EFTUD2: variants seen among roughly 807,000 people sequenced by gnomAD.
EFTUD2 encodes elongation factor Tu GTP binding domain containing 2, also known as 116 kDa U5 small nuclear ribonucleoprotein component.
In EFTUD2, 9 loss-of-function variants were observed where a neutral mutation model predicts 114.3. The observed-to-expected ratio is 0.08, with a 90% CI of 0.05 to 0.14. The LOEUF (loss-of-function observed/expected upper bound fraction) is 0.14, where lower values mean the gene tolerates loss of function less well. EFTUD2 is among the 10% of genes least tolerant of loss of function. EFTUD2 has a pLI of 1.00. For missense variants in EFTUD2, 765 were observed against 1,241.2 expected (o/e 0.62, Z 5.76); for synonymous variants, 449 against 462.3 (o/e 0.97, Z 0.37).
In EFTUD2 at chr17:44,863,728, G is replaced by A; in HGVS notation, c.1340C>T (p.Pro447Leu). 1 of 1,614,174 alleles carries A rather than the reference G, an allele frequency of 6.2e-7. No homozygotes were observed. The highest frequency in any genetic ancestry group is 1.1e-5 in the South Asian group (1 of 91,088). The change falls in exon 15 of 28, where the codon CCC becomes CTC. Residue 447 changes from proline (P) to leucine (L), a missense_variant. Physicochemically the swap from Pro to Leu is moderately conservative, Grantham distance 98. This residue lies in a region of EFTUD2 where 59 missense variants were observed against 50.1 expected (regional missense o/e 1.18). Coordinates refer to ENST00000426333, the MANE Select transcript of EFTUD2 (RefSeq NM_004247.4). ...HIPSPKVGAK[P>L]KIEHTYTGGV... Reference sequence around the variant, plus strand: ...ACCGGTGTAGGTGTGCTCAATCTTGGGCTTGGCGCCCACCTTTGGAGAAGG... The same window carrying A: ...ACCGGTGTAGGTGTGCTCAATCTTGAGCTTGGCGCCCACCTTTGGAGAAGG...
At chr17:44,868,046 G>C in intron 12 of EFTUD2, 149 bp from the exon 13 acceptor site, 1 of 902,780 alleles carries the variant, frequency 1.1e-6, no homozygotes, top group Non-Finnish European at 1.7e-6. Context: ...ATTCCTGGAA[G>C]GATACATGGT....
chr17:44,891,565 G>A (rs1233026675), intron 2 of EFTUD2, among the ~76,000 whole-genome samples: 1 of 152,120 alleles, frequency 6.6e-6, no homozygotes, highest in Non-Finnish European at 1.5e-5. Context: ...GCCCAAGCTG[G>A]TCTCAAACTC....
intron 20 of EFTUD2, among the ~76,000 whole-genome samples, chr17:44,855,283 C>A (rs1252435022): frequency 6.6e-6 from 1 of 152,170 alleles, no homozygotes; most frequent in African/African-American, 2.4e-5. Context: ...AAACAAACAG[C>A]CAGGCGCGGT....
At chr17:44,889,286 G>A (rs2051236091) in intron 2 of EFTUD2, among the ~76,000 whole-genome samples, 2 of 152,154 alleles carry the variant, frequency 1.3e-5, no homozygotes, top group African/African-American at 4.8e-5. Context: ...GGATGGAAGT[G>A]GGTTTGAAGG....
At chr17:44,895,936 G>A (rs1362026473) in intron 1 of EFTUD2, 1 of 152,176 alleles carries the variant, frequency 6.6e-6, no homozygotes, top group Admixed American at 6.5e-5. Context: ...TCCTTCCAAG[G>A]ACTGTCATGA....
intron 11 of EFTUD2, among the ~76,000 whole-genome samples, chr17:44,868,633 T>C (rs1027286259): frequency 3.3e-5 from 5 of 152,206 alleles, no homozygotes; most frequent in Non-Finnish European, 2.9e-5. Context: ...ATGGGTTACA[T>C]GTTTTCCTTC....
chr17:44,854,596 G>C lies in EFTUD2; in HGVS notation c.2219C>G (p.Thr740Ser). Residue 740 changes from threonine (T) to serine (S), a missense_variant, in exon 22 of 28, where the codon ACT (threonine) becomes AGT (serine). By Grantham distance (58) the Thr-to-Ser change is moderately conservative (BLOSUM62 1). This residue lies in a region of EFTUD2 where 166 missense variants were observed against 401.5 expected (regional missense o/e 0.41). Transcript: ENST00000426333. The surrounding 1 kb of genome is among the most constrained non-coding windows in gnomAD (Gnocchi z 4.3). ...ATCATCCACCAGAATGTTGGGGCCA[G>C]TCGCATCAGGGCCAAAAGCCCAGAT... Reference protein sequence around the residue: ...RSIWAFGPDATGPNILVDDTL... With the variant: ...RSIWAFGPDASGPNILVDDTL... 4.3e-6 allele frequency: 7 copies of C among 1,614,200 alleles called. No homozygotes were observed. The highest frequency in any genetic ancestry group is 5.9e-6 in the Non-Finnish European group (7 of 1,180,010).
At chr17:44,861,141 A>G (rs2050651873) in intron 16 of EFTUD2, among the ~76,000 whole-genome samples, 1 of 152,168 alleles carries the variant, frequency 6.6e-6, no homozygotes, top group East Asian at 1.9e-4. Flanking sequence ...GTAAGGGGCT[A>G]GCAAAAGCAT....
intron 11 of EFTUD2, among the ~76,000 whole-genome samples, chr17:44,871,934 G>A (rs2050862539): frequency 1.3e-5 from 2 of 152,192 alleles, no homozygotes; most frequent in Admixed American, 1.3e-4. Flanking sequence ...CTCTCACAGT[G>A]GGAATCTGGT....
chr17:44,887,039 G>A (rs965630780), intron 2 of EFTUD2, among the ~76,000 whole-genome samples: 13 of 152,164 alleles, frequency 8.5e-5, no homozygotes, highest in Admixed American at 2.0e-4. Flanking sequence ...AGCCCTTTAC[G>A]GGGAAAAAAG....
At chr17:44,883,011 G>T (rs922269472) in intron 6 of EFTUD2, 82 bp downstream of exon 6, 27 of 1,376,714 alleles carry the variant, frequency 2.0e-5, no homozygotes, top group Non-Finnish European at 3.1e-6. Context: ...TAGAGAACAG[G>T]AAGGGTGAAG....
rs766434120 is a variant in EFTUD2 at position 44,872,468 on chromosome 17, G to A, written c.972C>T (p.Ala324=). Residue 324 remains alanine (A), a synonymous_variant, in exon 11 of 28, where the codon GCC becomes GCT. Coordinates refer to ENST00000426333, the MANE Select transcript of EFTUD2 (RefSeq NM_004247.4). ...YSICFTLGSF[A]KIYADTFGDI... Reference sequence around the variant, plus strand: ...TACCAAAGGTGTCGGCATAGATCTTGGCAAAGGAGCCCAGCGTGAAGCAGA... The same window carrying A: ...TACCAAAGGTGTCGGCATAGATCTTAGCAAAGGAGCCCAGCGTGAAGCAGA... 2 of 1,613,278 alleles carry A rather than the reference G, an allele frequency of 1.2e-6. No individual in the cohort carries two copies. The highest frequency in any genetic ancestry group is 1.3e-5 in the African/African-American group (1 of 75,046).
At chr17:44,866,251 G>GT (rs1437099398) in intron 13 of EFTUD2, among the ~76,000 whole-genome samples, 5 of 151,678 alleles carry the variant, frequency 3.3e-5, no homozygotes, top group African/African-American at 1.2e-4. Context: ...GCTTTGTTTT[G>GT]TTTTTTTCTG....
chr17:44,869,440 A>C (rs542256349), intron 11 of EFTUD2, among the ~76,000 whole-genome samples: 2 of 152,242 alleles, frequency 1.3e-5, no homozygotes, highest in South Asian at 4.1e-4. Context: ...CTGGGACTAC[A>C]GGTGTGCGCC....
chr17:44,867,849 G>A lies in EFTUD2; in HGVS notation c.1107C>T (p.Phe369=), dbSNP rs760770880. ...KAPTSSSQRS[F]VEFILEPLYK... is the part of the protein sequence containing the mutation. Reference sequence around the variant, plus strand: ...AAAGAGGCTCCAAGATAAACTCCACGAAACTTCTCTGGGAGCTGCTAGTTG... The same window carrying A: ...AAAGAGGCTCCAAGATAAACTCCACAAAACTTCTCTGGGAGCTGCTAGTTG... The change falls in exon 13 of 28, where the codon TTC becomes TTT. Residue 369 remains phenylalanine (F), a synonymous_variant. Coordinates refer to ENST00000426333, the MANE Select transcript of EFTUD2 (RefSeq NM_004247.4). The A allele has an allele frequency of 5.5e-5, 89 of 1,606,392 alleles. No homozygotes were observed. In the Middle Eastern group the frequency reaches 1.5e-3, roughly 27 times the overall value.
chr17:44,872,729 G>A, intron 10 of EFTUD2, 159 bp from the exon 11 acceptor site: 1 of 743,266 alleles, frequency 1.3e-6, no homozygotes, highest in Non-Finnish European at 2.0e-6. Flanking sequence ...CCAAGAAAGT[G>A]ACATGATGGA....
intron 4 of EFTUD2, 47 bp from the exon 5 acceptor site, chr17:44,883,771 C>T (rs555577023): frequency 1.3e-6 from 2 of 1,587,780 alleles, no homozygotes; most frequent in African/African-American, 2.7e-5. Flanking sequence ...CAAACGTTTC[C>T]AAATGAGGAG....
At chr17:44,871,583 C>A (rs189697512) in intron 11 of EFTUD2, among the ~76,000 whole-genome samples, 1 of 152,282 alleles carries the variant, frequency 6.6e-6, no homozygotes, top group East Asian at 1.9e-4. Flanking sequence ...TCGTGATCTG[C>A]CTGCCTCAGC....
intron 2 of EFTUD2, among the ~76,000 whole-genome samples, chr17:44,891,578 C>T (rs1287016522): frequency 2.0e-5 from 3 of 152,236 alleles, no homozygotes. Context: ...TCAAACTCCT[C>T]GGTTCAAGTG....
Sources: allele counts gnomAD v4.1 joint callset (sites outside exome capture counted in the v4.1 genomes callset), GRCh38; gene constraint gnomAD v4.1.1; regional missense constraint gnomAD v4.1.1; non-coding constraint Gnocchi (gnomAD v3.1); transcripts MANE v1.5; gene names NCBI Gene and HGNC (gene_info 2026-07-23, HGNC 2026-07-21).